Variants in ST6GALNAC3 observed in about 807,000 individuals in gnomAD.
The protein encoded by ST6GALNAC3 is ST6 N-acetylgalactosaminide alpha-2,6-sialyltransferase 3.
In ST6GALNAC3, 25 loss-of-function variants were observed where a neutral mutation model predicts 32.7. The ratio of observed to expected loss-of-function variants is 0.76; its 90% CI spans 0.56 to 1.07. ST6GALNAC3 has a LOEUF of 1.07. Among genes scored for constraint, ST6GALNAC3 ranks in the 50% least tolerant of loss-of-function variants. The pLI is 0.00. For missense variants in ST6GALNAC3, 355 were observed against 382.4 expected (o/e 0.93, Z 0.60); for synonymous variants, 129 against 133.1 (o/e 0.97, Z 0.21).
chr1:76,378,350 T>C (rs1054823813), intron 2 of ST6GALNAC3, among the ~76,000 whole-genome samples: 1 of 152,152 alleles, frequency 6.6e-6, no homozygotes, highest in Non-Finnish European at 1.5e-5. Context: ...TTTTTTTATA[T>C]GTAAATGATT....
At position 76,160,518 on chromosome 1, in the gene ST6GALNAC3, G is replaced by A. The variant is rs1306386008; in HGVS notation, c.18+85634G>A. On this transcript the variant is annotated intron_variant, in intron 1 of 4. Coordinates refer to ENST00000328299, the MANE Select transcript of ST6GALNAC3 (RefSeq NM_152996.4). ...GTTGGTGCTTCACAGAGTGAAGAAA[G>A]AGGTGTCACAAGGGTCATTAAAATC... Among the ~76,000 whole-genome samples the A allele has an allele frequency of 2.0e-5, 3 of 152,146 alleles. No individual in the cohort carries two copies. In the East Asian group the frequency reaches 5.8e-4, roughly 29 times the overall value.
chr1:76,319,460 G>T (rs1009456843), intron 2 of ST6GALNAC3, among the ~76,000 whole-genome samples: 1 of 152,142 alleles, frequency 6.6e-6, no homozygotes, highest in African/African-American at 2.4e-5. Context: ...TGTTGCAATA[G>T]AATTTCCCAA....
chr1:76,160,104 T>C (rs536248763), intron 1 of ST6GALNAC3, among the ~76,000 whole-genome samples: 1 of 152,224 alleles, frequency 6.6e-6, no homozygotes, highest in East Asian at 1.9e-4. Context: ...TAGGAATTTA[T>C]AGGTGGATAG....
intron 3 of ST6GALNAC3, among the ~76,000 whole-genome samples, chr1:76,476,720 G>A (rs1659378432): frequency 6.6e-6 from 1 of 152,078 alleles, no homozygotes; most frequent in Non-Finnish European, 1.5e-5. Flanking sequence ...AGGGCTTTAT[G>A]GCATCAGGCA....
intron 1 of ST6GALNAC3, among the ~76,000 whole-genome samples, chr1:76,186,109 A>G (rs533405310): frequency 2.0e-5 from 3 of 152,246 alleles, no homozygotes; most frequent in East Asian, 3.9e-4. Context: ...GTTCTCCTTC[A>G]TGGTTCAGAA....
rs558639439 is a variant in ST6GALNAC3 at position 76,150,255 on chromosome 1, T to C, written c.18+75371T>C. ...CCACCCTGGTGGGCTGGCTTTTACG[T>C]TGAGTGCTTTGGTGTGAAAAGCAGG... On this transcript the variant is annotated intron_variant, in intron 1 of 4. Transcript: ENST00000328299. Among the ~76,000 whole-genome samples, 15 of 152,326 alleles carry C rather than the reference T, an allele frequency of 9.8e-5. No homozygotes were observed. In the East Asian group the frequency reaches 2.5e-3, roughly 25 times the overall value.
chr1:76,168,583 A>G (rs1234762022), intron 1 of ST6GALNAC3, among the ~76,000 whole-genome samples: 1 of 152,090 alleles, frequency 6.6e-6, no homozygotes, highest in African/African-American at 2.4e-5. Context: ...GTCTCCCACT[A>G]TTATTGTGTG....
intron 3 of ST6GALNAC3, among the ~76,000 whole-genome samples, chr1:76,497,398 C>T (rs1289993690): frequency 1.3e-5 from 2 of 152,068 alleles, no homozygotes; most frequent in Non-Finnish European, 2.9e-5. Context: ...TAGCAAAGTC[C>T]AGAGTTAGGT....
intron 1 of ST6GALNAC3, among the ~76,000 whole-genome samples, chr1:76,197,160 CTGAACTTGCCAGAGGTCT>C (rs1050708592): frequency 2.6e-5 from 4 of 152,202 alleles, no homozygotes; most frequent in African/African-American, 9.7e-5. Flanking sequence ...TGCCACTTTT[CTGAACTTGCCAGAGGTCT>C]TAGAAATGTA....
intron 3 of ST6GALNAC3, among the ~76,000 whole-genome samples, chr1:76,446,800 G>C (rs1449660562): frequency 6.6e-6 from 1 of 152,096 alleles, no homozygotes; most frequent in Non-Finnish European, 1.5e-5. Flanking sequence ...GCCTTGATTT[G>C]CTCCTCCTTG....
intron 1 of ST6GALNAC3, among the ~76,000 whole-genome samples, chr1:76,083,832 A>G (rs746404366): frequency 2.6e-4 from 39 of 152,108 alleles, no homozygotes; most frequent in Non-Finnish European, 4.1e-4. Context: ...AGCATCTCTC[A>G]GTTTGAATTC....
At chr1:76,503,511 T>G (rs1189066756) in intron 3 of ST6GALNAC3, among the ~76,000 whole-genome samples, 1 of 152,238 alleles carries the variant, frequency 6.6e-6, no homozygotes, top group Non-Finnish European at 1.5e-5. Flanking sequence ...TGTTCCTGTC[T>G]TGCAGGATGA....
intron 3 of ST6GALNAC3, among the ~76,000 whole-genome samples, chr1:76,598,058 G>C (rs938023691): frequency 3.3e-4 from 50 of 152,180 alleles, no homozygotes; most frequent in Admixed American, 3.9e-4. Context: ...GTTATCTGCA[G>C]ATTCTCTGGT....
chr1:76,113,094 G>A (rs891089190), intron 1 of ST6GALNAC3, among the ~76,000 whole-genome samples: 3 of 152,150 alleles, frequency 2.0e-5, no homozygotes, highest in Non-Finnish European at 2.9e-5. Flanking sequence ...CCGGCACCTC[G>A]GGAGGCCGAG....
rs112352314 is a variant in ST6GALNAC3, at chr1:76,476,009, T to C, written c.623+63592T>C. ...ATGACGATTTCCAGCTTCATCCATG[T>C]CCCTGCAAAGGAAATGAACTCATCC... is the stretch of plus-strand genomic sequence containing the variant. On this transcript the variant is annotated intron_variant, in intron 3 of 4. Coordinates refer to ENST00000328299, the MANE Select transcript of ST6GALNAC3 (RefSeq NM_152996.4). Among the ~76,000 whole-genome samples, 888 of 152,320 alleles carry C rather than the reference T, an allele frequency of 5.8e-3. 8 individuals are homozygous for C. Among genetic ancestry groups the C allele is most frequent in the African/African-American group, 0.02 (850 of 41,586 alleles).
intron 2 of ST6GALNAC3, among the ~76,000 whole-genome samples, chr1:76,368,523 T>C (rs909407926): frequency 3.9e-5 from 6 of 152,202 alleles, no homozygotes; most frequent in Non-Finnish European, 8.8e-5. Context: ...GATTTCTGGT[T>C]GTCTGGAGAC....
intron 1 of ST6GALNAC3, among the ~76,000 whole-genome samples, chr1:76,313,470 G>A (rs1646806652): frequency 6.6e-6 from 1 of 152,108 alleles, no homozygotes; most frequent in African/African-American, 2.4e-5. Context: ...GTGAGGAGGG[G>A]ATTGAGCAAT....
At chr1:76,463,132 T>TTTCC (rs1452584129) in intron 3 of ST6GALNAC3, among the ~76,000 whole-genome samples, 1 of 152,182 alleles carries the variant, frequency 6.6e-6, no homozygotes, top group Non-Finnish European at 1.5e-5. Context: ...GAGAATTTAA[T>TTTCC]AGGAAAAACA....
intron 1 of ST6GALNAC3, among the ~76,000 whole-genome samples, chr1:76,297,870 C>A (rs1257083632): frequency 2.0e-5 from 3 of 151,840 alleles, no homozygotes; most frequent in African/African-American, 7.3e-5. Context: ...GTCTATTCCT[C>A]AAGAATCAAG....
Sources: allele counts gnomAD v4.1 joint callset (sites outside exome capture counted in the v4.1 genomes callset), GRCh38; gene constraint gnomAD v4.1.1; transcripts MANE v1.5; gene names NCBI Gene and HGNC (gene_info 2026-07-23, HGNC 2026-07-21).